The following GRID2 variants were observed in gnomAD, a reference collection of about 807,000 sequenced individuals.
GRID2 encodes the protein glutamate ionotropic receptor delta type subunit 2.
Under a neutral mutation model 114.8 loss-of-function variants are expected in GRID2, and 33 were observed. The observed-to-expected ratio is 0.29, with a 90% CI of 0.22 to 0.38. The LOEUF (loss-of-function observed/expected upper bound fraction) is 0.38. GRID2 is among the 10% of genes least tolerant of loss of function. GRID2 has a pLI of 1.00. For synonymous variants in GRID2, 505 were observed against 449.9 expected (o/e 1.12, Z -1.55); for missense variants, 1,184 against 1,257.7 (o/e 0.94, Z 0.89).
At chr4:92,856,841 G>A (rs370236847) in intron 2 of GRID2, among the ~76,000 whole-genome samples, 14 of 152,064 alleles carry the variant, frequency 9.2e-5, no homozygotes, top group African/African-American at 2.2e-4. Context: ...CACAGATACC[G>A]AACTTTTTTT....
intron 3 of GRID2, among the ~76,000 whole-genome samples, chr4:93,088,874 C>A (rs1730547834): frequency 6.6e-6 from 1 of 152,038 alleles, no homozygotes; most frequent in Admixed American, 6.6e-5. Context: ...TAACGTCTGA[C>A]AGAGCCTATG....
At chr4:92,338,673 A>C (rs1265342210) in intron 1 of GRID2, among the ~76,000 whole-genome samples, 1 of 152,140 alleles carries the variant, frequency 6.6e-6, no homozygotes, top group Admixed American at 6.5e-5. Context: ...CATAAAACTT[A>C]CGTCTATGTT....
At chr4:93,206,047 G>A (rs956536332) in intron 4 of GRID2, among the ~76,000 whole-genome samples, 10 of 151,848 alleles carry the variant, frequency 6.6e-5, no homozygotes, top group Non-Finnish European at 2.9e-5. Flanking sequence ...TTGTGCACAT[G>A]TAACCTAAAA....
intron 2 of GRID2, among the ~76,000 whole-genome samples, chr4:92,724,385 A>T (rs1735961848): frequency 6.6e-6 from 1 of 152,168 alleles, no homozygotes; most frequent in South Asian, 2.1e-4. Context: ...CGCCTAGGTT[A>T]GCATACTGCA....
At chr4:93,527,885 C>A (rs1174490239) in intron 13 of GRID2, among the ~76,000 whole-genome samples, 1 of 152,012 alleles carries the variant, frequency 6.6e-6, no homozygotes, top group Admixed American at 6.6e-5. Flanking sequence ...CTCTTCCCCC[C>A]AAGGCCTTAG....
chr4:92,776,689 A>T (rs1738815601), intron 2 of GRID2, among the ~76,000 whole-genome samples: 1 of 152,120 alleles, frequency 6.6e-6, no homozygotes, highest in Non-Finnish European at 1.5e-5. Context: ...ATTCCTCTGT[A>T]AAGATTGTTC....
chr4:92,819,411 G>T (rs1159058772), intron 2 of GRID2, among the ~76,000 whole-genome samples: 1 of 152,072 alleles, frequency 6.6e-6, no homozygotes, highest in Non-Finnish European at 1.5e-5. Flanking sequence ...GCACATGTAT[G>T]GGGGCGGCAT....
At chr4:92,499,647 C>G (rs773428745) in intron 1 of GRID2, among the ~76,000 whole-genome samples, 6 of 152,166 alleles carry the variant, frequency 3.9e-5, no homozygotes, top group Non-Finnish European at 8.8e-5. Context: ...GAGTCTTGCT[C>G]TATAGCCCAA....
chr4:92,750,240 G>C (rs1737383414), intron 2 of GRID2, among the ~76,000 whole-genome samples: 1 of 152,122 alleles, frequency 6.6e-6, no homozygotes, highest in Non-Finnish European at 1.5e-5. Context: ...GGGAACTCTA[G>C]CTTATCCGCT....
At chr4:92,831,731 C>T (rs962537095) in intron 2 of GRID2, among the ~76,000 whole-genome samples, 8 of 151,778 alleles carry the variant, frequency 5.3e-5, no homozygotes, top group Non-Finnish European at 1.0e-4. Flanking sequence ...GTGGTACATG[C>T]CTTAGTTAGT....
intron 2 of GRID2, among the ~76,000 whole-genome samples, chr4:92,654,751 T>A (rs1178727177): frequency 6.6e-6 from 1 of 151,764 alleles, no homozygotes; most frequent in Non-Finnish European, 1.5e-5. Flanking sequence ...AAATGGAATT[T>A]TAAAAAAAAA....
chr4:93,487,126 T>C (rs905679610), intron 11 of GRID2, among the ~76,000 whole-genome samples: 1 of 151,822 alleles, frequency 6.6e-6, no homozygotes, highest in Non-Finnish European at 1.5e-5. Flanking sequence ...TATCCTTCTA[T>C]TATCTGTAAC....
intron 2 of GRID2, among the ~76,000 whole-genome samples, chr4:92,602,906 A>G (rs998686373): frequency 1.3e-5 from 2 of 152,176 alleles, no homozygotes; most frequent in Non-Finnish European, 2.9e-5. Context: ...TCTATACACA[A>G]ACAACAGACA....
At position 93,490,674 on chromosome 4, in the gene GRID2, A is replaced by T; in HGVS notation, c.1894A>T (p.Met632Leu). The T allele has an allele frequency of 6.2e-7, 1 of 1,611,028 alleles. No individual in the cohort carries two copies. Among genetic ancestry groups the T allele is most frequent in the South Asian group, 1.1e-5 (1 of 90,962 alleles). ...CCCGTACACGACTCTGGCTACCCGA[A>T]TGATGATGGGGGCTTGGTGGCTATT... ...EVPYTTLATR[M>L]MMGAWWLFAL... The change falls in exon 12 of 16, where the codon ATG becomes TTG. Residue 632 changes from methionine (M) to leucine (L), a missense_variant. Transcript: ENST00000282020.
At chr4:93,418,615 G>T (rs1767955900) in intron 9 of GRID2, among the ~76,000 whole-genome samples, 4 of 151,958 alleles carry the variant, frequency 2.6e-5, no homozygotes, top group Admixed American at 6.6e-5. Context: ...TATTATTGAA[G>T]AATTATTATG....
chr4:92,937,139 T>C (rs1292547928), intron 2 of GRID2, among the ~76,000 whole-genome samples: 3 of 146,602 alleles, frequency 2.0e-5, no homozygotes, highest in Non-Finnish European at 3.0e-5. Context: ...TGTCTTTCTC[T>C]TTCCCTTTCT....
chr4:92,936,322 A>C (rs189916315), intron 2 of GRID2, among the ~76,000 whole-genome samples: 2 of 146,548 alleles, frequency 1.4e-5, no homozygotes, highest in East Asian at 4.3e-4. Context: ...TAAAAATAGA[A>C]AAAAATTACA....
intron 4 of GRID2, among the ~76,000 whole-genome samples, chr4:93,119,365 G>C (rs1223749872): frequency 6.6e-6 from 1 of 152,062 alleles, no homozygotes; most frequent in Non-Finnish European, 1.5e-5. Flanking sequence ...TAGGAATAAT[G>C]TTGCATTTGT....
At chr4:92,824,244 A>G (rs1021975452) in intron 2 of GRID2, among the ~76,000 whole-genome samples, 2 of 152,084 alleles carry the variant, frequency 1.3e-5, no homozygotes, top group African/African-American at 4.8e-5. Context: ...TTAGGTTCTT[A>G]TATTTGTTGG....
Sources: allele counts gnomAD v4.1 joint callset (sites outside exome capture counted in the v4.1 genomes callset), GRCh38; gene constraint gnomAD v4.1.1; transcripts MANE v1.5; gene names NCBI Gene and HGNC (gene_info 2026-07-23, HGNC 2026-07-21).